ANKS6: variants seen among roughly 807,000 people sequenced by gnomAD.
ANKS6 encodes ankyrin repeat and sterile alpha motif domain containing 6.
A neutral mutation model predicts 77.9 loss-of-function variants in ANKS6; 47 were observed. The ratio of observed to expected loss-of-function variants is 0.60; its 90% CI spans 0.48 to 0.77. The LOEUF is 0.77. Among genes scored for constraint, ANKS6 ranks in the 30% least tolerant of loss-of-function variants. The pLI is 0.00. For missense variants in ANKS6, 1,150 were observed against 1,159.1 expected, an observed-to-expected ratio of 0.99 and a Z score of 0.11; for synonymous variants, 488 against 501.7, an observed-to-expected ratio of 0.97 and a Z score of 0.37.
Position 98,778,227 on chromosome 9 carries a change from A to G in ANKS6, c.1566T>C (p.Asn522=). ...ACTGCACATGCAGACTTTTCTCACC[A>G]TTGTCTTTGGTCACAGGGGCCGCAT... The part of the protein sequence containing the change: ...LPDAAPVTKD[N]GPGSTRGEKE... Residue 522 remains asparagine (N), a splice_region_variant and synonymous_variant, in exon 7 of 15, where the codon AAT becomes AAC. Coordinates refer to ENST00000353234, the MANE Select transcript of ANKS6 (RefSeq NM_173551.5). 1 of 1,613,720 alleles carries G rather than the reference A, an allele frequency of 6.2e-7. No homozygotes were observed. The highest frequency in any genetic ancestry group is 8.5e-7 in the Non-Finnish European group (1 of 1,179,908).
At position 98,790,567 on chromosome 9, in the gene ANKS6, G is replaced by A. The variant is rs758105673; in HGVS notation, c.399C>T (p.His133=). 2.0e-5 allele frequency: 32 copies of A among 1,609,848 alleles called. No individual in the cohort carries two copies. Among genetic ancestry groups the A allele is most frequent in the East Asian group, 6.7e-5 (3 of 44,708 alleles). Residue 133 remains histidine, a synonymous_variant, in exon 2 of 15, where the codon CAC becomes CAT. Coordinates refer to ENST00000353234, the MANE Select transcript of ANKS6 (RefSeq NM_173551.5). ...HVSVAHLLLD[H]GADVNAQNRL... is the part of the protein sequence containing the mutation. ...GGTTCTGGGCATTGACATCAGCCCC[G>A]TGATCCAACAGGAGGTGTGCCACAC...
chr9:98,755,915 A>C (rs1302341401), intron 12 of ANKS6, among the ~76,000 whole-genome samples: 1 of 152,208 alleles, frequency 6.6e-6, no homozygotes, highest in East Asian at 1.9e-4. Flanking sequence ...GGAAGACAAA[A>C]GTATGCCTGA....
chr9:98,733,368 C>T lies in ANKS6; in HGVS notation c.*3151G>A. 2 of 985,456 alleles carry T rather than the reference C, an allele frequency of 2.0e-6. No homozygotes were observed. The highest frequency in any genetic ancestry group is 1.2e-6 in the Non-Finnish European group (1 of 829,978). 61.0% of individuals were successfully genotyped at this position (985,456 alleles called of 1,614,324 possible). On this transcript the variant is annotated 3_prime_UTR_variant, in exon 15 of 15. Coordinates refer to ENST00000353234, the MANE Select transcript of ANKS6 (RefSeq NM_173551.5). ...CTGCCTGGGTGCTGGGAAACAATGC[C>T]CTCCACCCTGCAGGAGAGCTCAGGG... is the stretch of plus-strand genomic sequence containing the variant.
rs1301575290 is a variant in ANKS6 at position 98,773,866 on chromosome 9, A to C, written c.1821+11T>G. The C allele has an allele frequency of 6.6e-7, 1 of 1,517,238 alleles. No individual in the cohort carries two copies. Among genetic ancestry groups the C allele is most frequent in the South Asian group, 1.3e-5 (1 of 77,622 alleles). 94.0% of individuals were successfully genotyped at this position (1,517,238 alleles called of 1,614,324 possible). A position where few individuals can be genotyped will look rare whatever the true frequency, so the allele number is the denominator to read the frequency against. On this transcript the variant is annotated intron_variant, in intron 9 of 14. Coordinates refer to ENST00000353234, the MANE Select transcript of ANKS6 (RefSeq NM_173551.5). ...GAGTGATGTGTAAAAGTGTGTCAGA[A>C]GACAACTTACAGTGTCTGTGCCCCC... is the stretch of plus-strand genomic sequence containing the variant.
Position 98,736,581 on chromosome 9 carries a change from G to A in ANKS6, c.2554C>T (p.His852Tyr). 6.2e-7 allele frequency: 1 copy of A among 1,613,540 alleles called. No individual in the cohort carries two copies. The highest frequency in any genetic ancestry group is 8.5e-7 in the Non-Finnish European group (1 of 1,179,748). The change falls in exon 15 of 15, where the codon CAC becomes TAC. Residue 852 changes from histidine (H) to tyrosine (Y), a missense_variant. By Grantham distance (83) the His-to-Tyr change is moderately conservative. Coordinates refer to ENST00000353234, the MANE Select transcript of ANKS6 (RefSeq NM_173551.5). ...CTGGCACTGCTCTCAAAGGAAGAGT[G>A]AAAGTTGTGAATGGTTTCCTGTAAA... ...QILQETIHNF[H>Y]SSFESSASNT...
intron 11 of ANKS6, among the ~76,000 whole-genome samples, chr9:98,765,191 T>C (rs1171756897): frequency 6.6e-6 from 1 of 152,214 alleles, no homozygotes; most frequent in Non-Finnish European, 1.5e-5. Flanking sequence ...AGATAATTAG[T>C]ATATCCCCAC....
At chr9:98,784,917 TTAATA>T (rs763326912) in intron 2 of ANKS6, 41 bp from the exon 3 acceptor site, 42 of 1,580,352 alleles carry the variant, frequency 2.7e-5, no homozygotes, top group Middle Eastern at 1.7e-4. Context: ...ACGGAAAGGT[TTAATA>T]TAACAGAAAA....
chr9:98,774,970 G>T (rs1263286382), intron 8 of ANKS6, among the ~76,000 whole-genome samples: 5 of 152,134 alleles, frequency 3.3e-5, no homozygotes, highest in Non-Finnish European at 5.9e-5. Flanking sequence ...CACCCATTAT[G>T]GGGGGGCAGG....
chr9:98,750,988 ATAG>A, intron 13 of ANKS6, 38 bp downstream of exon 13: 2 of 1,543,078 alleles, frequency 1.3e-6, no homozygotes, highest in Non-Finnish European at 1.8e-6. Flanking sequence ...TTTTTCTTTC[ATAG>A]TAAGATTTAA....
intron 11 of ANKS6, among the ~76,000 whole-genome samples, chr9:98,765,521 G>A (rs752329135): frequency 3.9e-5 from 6 of 152,186 alleles, no homozygotes; most frequent in Non-Finnish European, 5.9e-5. Flanking sequence ...AGTTGTCCTG[G>A]CCACCTCAGC....
chr9:98,778,372 G>A lies in ANKS6; in HGVS notation c.1421C>T (p.Thr474Met), dbSNP rs765655284. Residue 474 changes from threonine to methionine, a missense_variant, in exon 7 of 15, where the codon ACG becomes ATG. Thr to Met is a moderately conservative substitution (Grantham distance 81). Transcript: ENST00000353234. ...NRFRKLKLMQTLPRGLSSNQP... is the reference protein window; with the variant it reads ...NRFRKLKLMQMLPRGLSSNQP... ...GTTGCTGGACAGCCCACGGGGCAGC[G>A]TCTGCATCAGTTTGAGCTTTCGGAA... 1.4e-5 allele frequency: 23 copies of A among 1,614,132 alleles called. No homozygotes were observed. The highest frequency in any genetic ancestry group is 8.9e-5 in the East Asian group (4 of 44,884).
chr9:98,793,223 G>A (rs950960923), intron 1 of ANKS6, among the ~76,000 whole-genome samples: 1 of 152,168 alleles, frequency 6.6e-6, no homozygotes, highest in South Asian at 2.1e-4. Flanking sequence ...GGCAAATTTG[G>A]CAAGCCGCTT....
rs1357194784 is a variant in ANKS6, at chr9:98,784,085, G to A, written c.980C>T (p.Ala327Val). Residue 327 changes from alanine to valine, a missense_variant, in exon 4 of 15, where the codon GCG becomes GTG. By Grantham distance (64) the Ala-to-Val change is moderately conservative (BLOSUM62 0). Transcript: ENST00000353234. ...SHVNLVNGDGATPLMLAAVTG... is the reference protein window; with the variant it reads ...SHVNLVNGDGVTPLMLAAVTG... Reference sequence around the variant, plus strand: ...AACAGCTGCTAGCATCAGTGGCGTCGCCCCGTCCCCATTGACCAAGTTCAC... The same window carrying A: ...AACAGCTGCTAGCATCAGTGGCGTCACCCCGTCCCCATTGACCAAGTTCAC... 3.1e-6 allele frequency: 5 copies of A among 1,601,464 alleles called. No individual in the cohort carries two copies. Among genetic ancestry groups the A allele is most frequent in the African/African-American group, 1.3e-5 (1 of 74,620 alleles).
chr9:98,784,649 C>T (rs1588410058), intron 3 of ANKS6, among the ~76,000 whole-genome samples, 183 bp downstream of exon 3: 1 of 152,276 alleles, frequency 6.6e-6, no homozygotes, highest in East Asian at 1.9e-4. Context: ...CGTCTGGAGT[C>T]TATGTGTAGA....
At chr9:98,786,936 T>G (rs1834606364) in intron 2 of ANKS6, among the ~76,000 whole-genome samples, 1 of 152,106 alleles carries the variant, frequency 6.6e-6, no homozygotes, top group African/African-American at 2.4e-5. Context: ...GGCTTCAGTT[T>G]TTTTCGTCTA....
intron 14 of ANKS6, 146 bp from the exon 15 acceptor site, chr9:98,736,769 T>A: frequency 1.9e-6 from 2 of 1,045,624 alleles, no homozygotes; most frequent in Non-Finnish European, 2.8e-6. Context: ...ACTGAAAGAG[T>A]ACCGAGTTCA....
intron 11 of ANKS6, among the ~76,000 whole-genome samples, chr9:98,764,132 G>A (rs548603103): frequency 5.3e-5 from 8 of 152,110 alleles, no homozygotes; most frequent in Non-Finnish European, 8.8e-5. Flanking sequence ...ATGAGCCAAC[G>A]TGACAGTTTT....
rs1395016648 is a variant in ANKS6 at position 98,735,407 on chromosome 9, T to C, written c.*1112A>G. The C allele has an allele frequency of 9.4e-5, 108 of 1,144,784 alleles. No homozygotes were observed. The highest frequency in any genetic ancestry group is 1.1e-4 in the Non-Finnish European group (106 of 934,654). 70.9% of individuals were successfully genotyped at this position (1,144,784 alleles called of 1,614,324 possible). ...GAATGAGTCATTCACTGGAAAACAC[T>C]TCAGAAAGCCAGTGGGTTTTAAAAG... On this transcript the variant is annotated 3_prime_UTR_variant, in exon 15 of 15. Coordinates refer to ENST00000353234, the MANE Select transcript of ANKS6 (RefSeq NM_173551.5).
At chr9:98,757,327 G>A (rs180972413) in intron 11 of ANKS6, among the ~76,000 whole-genome samples, 87 of 152,332 alleles carry the variant, frequency 5.7e-4, no homozygotes, top group African/African-American at 2.0e-3. Flanking sequence ...ACTGCATGGA[G>A]CTGTGCTGTA....
Sources: allele counts gnomAD v4.1 joint callset (sites outside exome capture counted in the v4.1 genomes callset), GRCh38; gene constraint gnomAD v4.1.1; transcripts MANE v1.5; gene names NCBI Gene and HGNC (gene_info 2026-07-23, HGNC 2026-07-21).